Variants in ASTN2 observed in about 807,000 individuals in gnomAD.
ASTN2 encodes astrotactin 2, also known as astrotactin-2.
In ASTN2, 54 loss-of-function variants were observed where a neutral mutation model predicts 139.8. That is an observed-to-expected ratio of 0.39 (90% CI 0.31 to 0.48). The LOEUF is 0.48. ASTN2 is among the 20% of genes least tolerant of loss of function. ASTN2 has a pLI of 0.95. For missense variants in ASTN2, 1,565 were observed against 1,725.1 expected (o/e 0.91, Z 1.64); for synonymous variants, 756 against 719.5 (o/e 1.05, Z -0.81).
chr9:116,907,707 C>G (rs1834199707), intron 10 of ASTN2, among the ~76,000 whole-genome samples: 1 of 152,150 alleles, frequency 6.6e-6, no homozygotes, highest in Non-Finnish European at 1.5e-5. Context: ...AGATCATTAC[C>G]ATTTGAGCTA....
At chr9:116,974,004 T>C (rs1054363203) in intron 10 of ASTN2, among the ~76,000 whole-genome samples, 2 of 152,180 alleles carry the variant, frequency 1.3e-5, no homozygotes, top group African/African-American at 2.4e-5. Context: ...GAAATACTGA[T>C]AGCATTGTGA....
intron 7 of ASTN2, among the ~76,000 whole-genome samples, chr9:116,985,956 G>A (rs1003257594): frequency 3.9e-5 from 6 of 152,144 alleles, no homozygotes; most frequent in Non-Finnish European, 5.9e-5. Context: ...ATCCTCTGTG[G>A]CCTGCATCAA....
intron 1 of ASTN2, among the ~76,000 whole-genome samples, chr9:117,342,553 G>A (rs570160857): frequency 3.3e-5 from 5 of 152,072 alleles, no homozygotes; most frequent in African/African-American, 4.8e-5. Flanking sequence ...CCCAGGGATC[G>A]TTTGGTACTG....
chr9:117,171,617 T>C (rs948630732), intron 3 of ASTN2, among the ~76,000 whole-genome samples: 10 of 152,088 alleles, frequency 6.6e-5, no homozygotes, highest in African/African-American at 2.2e-4. Context: ...CATGCTGTTC[T>C]CGTGATAGTG....
chr9:116,934,165 T>A (rs1834999840), intron 10 of ASTN2, among the ~76,000 whole-genome samples: 1 of 151,998 alleles, frequency 6.6e-6, no homozygotes, highest in South Asian at 2.1e-4. Context: ...TATCATCAGC[T>A]CCATTTCCAC....
chr9:117,371,958 C>A (rs578231149), intron 1 of ASTN2, among the ~76,000 whole-genome samples: 1 of 152,244 alleles, frequency 6.6e-6, no homozygotes, highest in Non-Finnish European at 1.5e-5. Flanking sequence ...TCTCAAAGTT[C>A]TTGCATTTCA....
intron 13 of ASTN2, among the ~76,000 whole-genome samples, chr9:116,803,522 A>ATTT (rs1158429877): frequency 0.049 from 1,021 of 20,636 alleles, 55 homozygotes; most frequent in Middle Eastern, 0.067. Context: ...ATATATATAT[A>ATTT]TTTTTTTTTT....
chr9:116,443,410 C>T (rs189798508), intron 20 of ASTN2, among the ~76,000 whole-genome samples: 1 of 152,256 alleles, frequency 6.6e-6, no homozygotes, highest in East Asian at 1.9e-4. Flanking sequence ...GTTAATCTGG[C>T]TATAAGGCAT....
intron 5 of ASTN2, among the ~76,000 whole-genome samples, chr9:117,060,021 A>T (rs143635155): frequency 2.0e-5 from 3 of 152,160 alleles, no homozygotes; most frequent in African/African-American, 7.2e-5. Flanking sequence ...TTGAAATTAG[A>T]CGTGATAGGT....
chr9:116,601,316 T>C (rs116542128), intron 19 of ASTN2, among the ~76,000 whole-genome samples: 3 of 152,354 alleles, frequency 2.0e-5, no homozygotes, highest in Non-Finnish European at 2.9e-5. Context: ...ATGAAAGTTC[T>C]TAAAAGGTTT....
chr9:116,673,832 T>A (rs1379644638), intron 16 of ASTN2, among the ~76,000 whole-genome samples: 1 of 152,172 alleles, frequency 6.6e-6, no homozygotes, highest in African/African-American at 2.4e-5. Flanking sequence ...CCACCTAGCT[T>A]GTGGTACTTT....
At chr9:117,160,301 C>T (rs1245531564) in intron 3 of ASTN2, among the ~76,000 whole-genome samples, 3 of 152,004 alleles carry the variant, frequency 2.0e-5, no homozygotes, top group Non-Finnish European at 4.4e-5. Flanking sequence ...CAAAGGGAGG[C>T]ATCTGTGGTG....
intron 1 of ASTN2, among the ~76,000 whole-genome samples, chr9:117,388,453 A>T (rs1310209588): frequency 6.6e-6 from 1 of 152,200 alleles, no homozygotes; most frequent in African/African-American, 2.4e-5. Flanking sequence ...CCTTCATCCT[A>T]GTGGGAGTGC....
chr9:117,259,745 C>G (rs1330364703), intron 2 of ASTN2, among the ~76,000 whole-genome samples: 1 of 152,132 alleles, frequency 6.6e-6, no homozygotes, highest in Non-Finnish European at 1.5e-5. Flanking sequence ...TTATGTCTCC[C>G]TAAAATGTAT....
chr9:116,904,607 G>T (rs912171848), intron 10 of ASTN2, among the ~76,000 whole-genome samples: 1 of 152,188 alleles, frequency 6.6e-6, no homozygotes, highest in Non-Finnish European at 1.5e-5. Context: ...GAATCACAAA[G>T]ATCAAATGAG....
chr9:117,260,502 T>C (rs6478299), intron 2 of ASTN2, among the ~76,000 whole-genome samples: 149,409 of 152,252 alleles, frequency 0.98, 73,380 homozygotes, highest in Middle Eastern at 1. Flanking sequence ...ATAAATCCCC[T>C]AAAACTTATC....
At chr9:117,371,476 A>G (rs571545003) in intron 1 of ASTN2, among the ~76,000 whole-genome samples, 6 of 152,182 alleles carry the variant, frequency 3.9e-5, no homozygotes, top group Non-Finnish European at 7.4e-5. Context: ...CCAGTTGGGG[A>G]GCAATGTTTC....
intron 10 of ASTN2, among the ~76,000 whole-genome samples, chr9:116,960,892 T>C (rs769025142): frequency 6.6e-6 from 1 of 152,134 alleles, no homozygotes; most frequent in Non-Finnish European, 1.5e-5. Context: ...CCCCAGAACC[T>C]GTGAAGTCCA....
intron 10 of ASTN2, among the ~76,000 whole-genome samples, chr9:116,871,360 A>C (rs1833161764): frequency 6.6e-6 from 1 of 152,244 alleles, no homozygotes; most frequent in South Asian, 2.1e-4. Flanking sequence ...CATATGATTT[A>C]CCTATTTAAA....
Sources: allele counts gnomAD v4.1 joint callset (sites outside exome capture counted in the v4.1 genomes callset), GRCh38; gene constraint gnomAD v4.1.1; transcripts MANE v1.5; gene names NCBI Gene and HGNC (gene_info 2026-07-23, HGNC 2026-07-21).